GPC5: variants seen among roughly 807,000 people sequenced by gnomAD.
GPC5 encodes glypican-5.
GPC5 carries 47 observed loss-of-function variants against 53.9 expected under a neutral mutation model. The ratio of observed to expected loss-of-function variants is 0.87; its 90% CI spans 0.69 to 1.11. The LOEUF is 1.11. Among genes scored for constraint, GPC5 ranks in the 50% most tolerant of loss-of-function variants. The probability of loss-of-function intolerance (pLI) is 0.00; values close to 1 mark genes in which losing one functional copy is unlikely to be tolerated. For missense variants in GPC5, 748 were observed against 713.1 expected, an observed-to-expected ratio of 1.05 and a Z score of -0.56; for synonymous variants, 286 against 263.3, an observed-to-expected ratio of 1.09 and a Z score of -0.84.
intron 2 of GPC5, among the ~76,000 whole-genome samples, chr13:91,652,823 C>A (rs1198669928): frequency 6.6e-6 from 1 of 152,136 alleles, no homozygotes; most frequent in Non-Finnish European, 1.5e-5. Flanking sequence ...ATATTGATAA[C>A]CTACAGGTCG....
At chr13:91,870,765 A>AT (rs1157145735) in intron 5 of GPC5, among the ~76,000 whole-genome samples, 2 of 152,148 alleles carry the variant, frequency 1.3e-5, no homozygotes, top group South Asian at 2.1e-4. Flanking sequence ...TATTTGAGTT[A>AT]TTTTTTTCTG....
chr13:92,604,897 A>C (rs896150719), intron 7 of GPC5, among the ~76,000 whole-genome samples: 1 of 152,356 alleles, frequency 6.6e-6, no homozygotes, highest in East Asian at 1.9e-4. Context: ...TCTTGAAAGT[A>C]TAGCAAGGAG....
At chr13:92,280,533 G>T (rs990960510) in intron 7 of GPC5, among the ~76,000 whole-genome samples, 1 of 152,088 alleles carries the variant, frequency 6.6e-6, no homozygotes, top group Non-Finnish European at 1.5e-5. Flanking sequence ...TATCCCATAA[G>T]TTTCGTTATG....
chr13:91,670,939 A>G (rs941292812), intron 2 of GPC5, among the ~76,000 whole-genome samples: 7 of 152,220 alleles, frequency 4.6e-5, no homozygotes, highest in Non-Finnish European at 7.3e-5. Flanking sequence ...AAGGATGCAG[A>G]AAGGCAACTT....
chr13:92,830,094 C>G (rs1878000867), intron 7 of GPC5, among the ~76,000 whole-genome samples: 1 of 152,112 alleles, frequency 6.6e-6, no homozygotes, highest in African/African-American at 2.4e-5. Context: ...AGAGGAGCCA[C>G]TGTTTCTAAC....
intron 2 of GPC5, among the ~76,000 whole-genome samples, chr13:91,684,413 C>T (rs187116007): frequency 3.3e-5 from 5 of 152,250 alleles, no homozygotes; most frequent in East Asian, 3.9e-4. Flanking sequence ...CACACAAACA[C>T]GGAGCCGGCA....
At chr13:92,065,461 C>T (rs1350855037) in intron 6 of GPC5, among the ~76,000 whole-genome samples, 5 of 152,000 alleles carry the variant, frequency 3.3e-5, no homozygotes, top group Non-Finnish European at 7.4e-5. Flanking sequence ...CCATGTTTAG[C>T]AAAGTTAATG....
intron 7 of GPC5, among the ~76,000 whole-genome samples, chr13:92,382,257 T>C (rs1594151218): frequency 2.0e-5 from 3 of 152,166 alleles, no homozygotes; most frequent in East Asian, 3.9e-4. Context: ...ACTACAAATA[T>C]GGTGCAGTGT....
At chr13:91,962,283 C>G (rs1384496787) in intron 6 of GPC5, among the ~76,000 whole-genome samples, 1 of 151,990 alleles carries the variant, frequency 6.6e-6, no homozygotes, top group Non-Finnish European at 1.5e-5. Flanking sequence ...AAATTAACAT[C>G]CTTTTGCCAT....
At chr13:91,846,328 CT>C (rs1367743888) in intron 5 of GPC5, among the ~76,000 whole-genome samples, 3 of 152,044 alleles carry the variant, frequency 2.0e-5, no homozygotes, top group Non-Finnish European at 4.4e-5. Flanking sequence ...AACTAATACA[CT>C]ATCATAGTAC....
intron 7 of GPC5, among the ~76,000 whole-genome samples, chr13:92,333,469 C>T (rs1164022518): frequency 6.6e-6 from 1 of 152,046 alleles, no homozygotes; most frequent in Admixed American, 6.6e-5. Flanking sequence ...TCTAACCATC[C>T]ACAAAGGAGA....
At chr13:92,274,052 A>G (rs530297625) in intron 7 of GPC5, among the ~76,000 whole-genome samples, 21 of 152,278 alleles carry the variant, frequency 1.4e-4, no homozygotes, top group African/African-American at 4.6e-4. Context: ...ACTGGTGACA[A>G]TGAAGTGATT....
chr13:92,162,256 A>G (rs2041995444), intron 7 of GPC5, among the ~76,000 whole-genome samples: 1 of 152,008 alleles, frequency 6.6e-6, no homozygotes, highest in Admixed American at 6.6e-5. Flanking sequence ...TTTCGTTTGA[A>G]ATGCCCCTTA....
rs370936394 is a variant in GPC5 at position 92,528,797 on chromosome 13, TA to T, written c.1562-337481del. On this transcript the variant is annotated intron_variant, in intron 7 of 7. Coordinates refer to ENST00000377067, the MANE Select transcript of GPC5 (RefSeq NM_004466.6). ...TTTAGTAGTGCTTTAAATATGTCAT[TA>T]AAATAATTCTTTCTTAATAGGGTAC... Among the ~76,000 whole-genome samples the T allele has an allele frequency of 5.3e-5, 8 of 152,090 alleles. No homozygotes were observed. The East Asian group carries it at 1.5e-3, about 29-fold the overall frequency.
At chr13:92,327,478 C>A (rs1464460470) in intron 7 of GPC5, among the ~76,000 whole-genome samples, 1 of 152,106 alleles carries the variant, frequency 6.6e-6, no homozygotes, top group Non-Finnish European at 1.5e-5. Context: ...CAGTACTCAA[C>A]CTATCAAAAT....
chr13:92,291,491 C>T (rs960596409), intron 7 of GPC5, among the ~76,000 whole-genome samples: 2 of 152,128 alleles, frequency 1.3e-5, no homozygotes, highest in Non-Finnish European at 2.9e-5. Flanking sequence ...CATGGAGAAC[C>T]TCTGTGTCTA....
chr13:91,932,884 C>T (rs1418422755), intron 6 of GPC5, among the ~76,000 whole-genome samples: 1 of 151,864 alleles, frequency 6.6e-6, no homozygotes, highest in African/African-American at 2.4e-5. Flanking sequence ...AATAGTAATT[C>T]TTAATAAGTA....
chr13:91,616,346 G>T (rs1038279639), intron 2 of GPC5, among the ~76,000 whole-genome samples: 2 of 152,054 alleles, frequency 1.3e-5, no homozygotes, highest in African/African-American at 4.8e-5. Flanking sequence ...TCTAGAAACA[G>T]TATCTATGAG....
At chr13:92,306,056 T>G (rs923259665) in intron 7 of GPC5, among the ~76,000 whole-genome samples, 2 of 152,168 alleles carry the variant, frequency 1.3e-5, no homozygotes. Flanking sequence ...ATCCATTAAG[T>G]CCAGCTGTGA....
Sources: gnomAD v4.1 joint callset for allele counts (sites outside exome capture counted in the v4.1 genomes callset) on GRCh38, gnomAD v4.1.1 for gene constraint, MANE v1.5 for transcripts, NCBI Gene and HGNC (gene_info 2026-07-23, HGNC 2026-07-21) for gene names.